CENPP: variants seen among roughly 807,000 people sequenced by gnomAD.
CENPP encodes the protein centromere protein P.
In CENPP, 24 loss-of-function variants were observed where a neutral mutation model predicts 35.6. The ratio of observed to expected loss-of-function variants is 0.67; its 90% CI spans 0.49 to 0.95. CENPP has a LOEUF of 0.95. Among genes scored for constraint, CENPP ranks in the 40% least tolerant of loss-of-function variants. The pLI, the probability that CENPP is intolerant of heterozygous loss-of-function variation, is 0.00. For missense variants in CENPP, 332 were observed against 345.3 expected, an observed-to-expected ratio of 0.96 and a Z score of 0.31; for synonymous variants, 120 against 125.5, an observed-to-expected ratio of 0.96 and a Z score of 0.29.
chr9:92,605,277 C>T (rs1178870454), intron 5 of CENPP, among the ~76,000 whole-genome samples: 1 of 152,214 alleles, frequency 6.6e-6, no homozygotes, highest in East Asian at 1.9e-4. Context: ...GTGTGAACCA[C>T]TGCGCCCAGC....
At chr9:92,602,181 G>A (rs1387589079) in intron 5 of CENPP, among the ~76,000 whole-genome samples, 1 of 152,188 alleles carries the variant, frequency 6.6e-6, no homozygotes, top group Non-Finnish European at 1.5e-5. Context: ...ACGACCAATA[G>A]TGATCTTAAA....
intron 5 of CENPP, among the ~76,000 whole-genome samples, chr9:92,513,593 A>T (rs1020444131): frequency 1.3e-5 from 2 of 152,216 alleles, no homozygotes; most frequent in Non-Finnish European, 2.9e-5. Flanking sequence ...ACATGATGGA[A>T]CACTACTTGG....
rs76589431 is a variant in CENPP, at chr9:92,327,944, C to G, written c.107+1839C>G. 1.7e-4 allele frequency among the ~76,000 whole-genome samples: 26 copies of G among 152,252 alleles called. No individual in the cohort carries two copies. In the East Asian group the frequency reaches 4.1e-3, roughly 24 times the overall value. Reference sequence around the variant, plus strand: ...CACAGAGTCCGTTCTGCAACTCTTACGATCTCTATTTTAACATTAATGCTG... The same window carrying G: ...CACAGAGTCCGTTCTGCAACTCTTAGGATCTCTATTTTAACATTAATGCTG... On this transcript the variant is annotated intron_variant, in intron 1 of 7. Transcript: ENST00000375587.
chr9:92,482,107 CAT>C (rs1393550764), intron 5 of CENPP, among the ~76,000 whole-genome samples: 1 of 151,714 alleles, frequency 6.6e-6, no homozygotes, highest in African/African-American at 2.4e-5. Context: ...ATAGGTAAGA[CAT>C]AAAACTAGAA....
chr9:92,388,611 T>A (rs1842535722), intron 5 of CENPP, among the ~76,000 whole-genome samples: 1 of 150,186 alleles, frequency 6.7e-6, no homozygotes, highest in African/African-American at 2.4e-5. Flanking sequence ...GAGGCCAAAG[T>A]GGGCGGATCA....
chr9:92,366,738 A>G (rs1402038395), intron 4 of CENPP, among the ~76,000 whole-genome samples: 1 of 152,234 alleles, frequency 6.6e-6, no homozygotes, highest in South Asian at 2.1e-4. Flanking sequence ...AATGATTATT[A>G]CACACACATG....
chr9:92,522,493 C>T, intron 5 of CENPP: 1 of 1,266,660 alleles, frequency 7.9e-7, no homozygotes, highest in South Asian at 1.8e-5. Context: ...TGTTCTCCCT[C>T]TCTCCCTCTC....
intron 5 of CENPP, among the ~76,000 whole-genome samples, chr9:92,428,456 C>G (rs1169694687): frequency 6.6e-6 from 1 of 152,152 alleles, no homozygotes; most frequent in Non-Finnish European, 1.5e-5. Context: ...TCCCAGGTCC[C>G]ACCAAACCTT....
At chr9:92,522,545 TTCTG>T (rs761846875) in intron 5 of CENPP, 1 of 1,546,496 alleles carries the variant, frequency 6.5e-7, no homozygotes, top group Non-Finnish European at 8.7e-7. Flanking sequence ...TCCTCCCTCT[TTCTG>T]TCTCTCTCTC....
At position 92,392,814 on chromosome 9, in the gene CENPP, G is replaced by A. The variant is rs527967176; in HGVS notation, c.564+12955G>A. 1.1e-4 allele frequency among the ~76,000 whole-genome samples: 17 copies of A among 152,308 alleles called. No homozygotes were observed. In the South Asian group the frequency reaches 3.5e-3, roughly 32 times the overall value. ...AGTGTCTGAAGCAAGGGATCTTGAA[G>A]TATTGGAGTTGAGAAGATATAGTTG... On this transcript the variant is annotated intron_variant, in intron 5 of 7. Coordinates refer to ENST00000375587, the MANE Select transcript of CENPP (RefSeq NM_001012267.3).
At chr9:92,531,721 A>G (rs1471795389) in intron 5 of CENPP, among the ~76,000 whole-genome samples, 2 of 152,082 alleles carry the variant, frequency 1.3e-5, no homozygotes, top group Admixed American at 6.5e-5. Context: ...CTAAACATTT[A>G]TCATTTTCCT....
At chr9:92,455,525 A>C (rs1413405120) in intron 5 of CENPP, among the ~76,000 whole-genome samples, 2 of 152,102 alleles carry the variant, frequency 1.3e-5, no homozygotes, top group African/African-American at 4.8e-5. Context: ...ACCTGGCCCA[A>C]AATGTCAAGG....
intron 5 of CENPP, among the ~76,000 whole-genome samples, chr9:92,551,348 T>G (rs190408943): frequency 6.6e-6 from 1 of 152,088 alleles, no homozygotes. Context: ...TGATGCTTTT[T>G]GTTTTTTGAG....
At chr9:92,460,427 A>C (rs755797037) in intron 5 of CENPP, 6 of 1,179,878 alleles carry the variant, frequency 5.1e-6, no homozygotes, top group Admixed American at 3.6e-5. Flanking sequence ...CCCTGTGCAC[A>C]TTCTCCAGGA....
intron 4 of CENPP, among the ~76,000 whole-genome samples, chr9:92,353,197 CAT>C (rs1160890658): frequency 2.0e-5 from 3 of 152,122 alleles, no homozygotes; most frequent in Non-Finnish European, 1.5e-5. Context: ...CATGCACAAA[CAT>C]ATTTTTAACG....
At chr9:92,380,769 A>G (rs1408134778) in intron 5 of CENPP, among the ~76,000 whole-genome samples, 2 of 152,204 alleles carry the variant, frequency 1.3e-5, no homozygotes, top group Admixed American at 6.6e-5. Context: ...TAATACAGTA[A>G]TGACCAGGGA....
chr9:92,375,826 C>T (rs1224406515), intron 4 of CENPP, among the ~76,000 whole-genome samples: 3 of 149,970 alleles, frequency 2.0e-5, no homozygotes, highest in African/African-American at 4.9e-5. Flanking sequence ...TTCCCCTAGT[C>T]ATTCAACAGG....
At chr9:92,352,899 TC>T (rs1330344550) in intron 4 of CENPP, among the ~76,000 whole-genome samples, 1 of 152,066 alleles carries the variant, frequency 6.6e-6, no homozygotes, top group Admixed American at 6.6e-5. Flanking sequence ...TTCAATCCAA[TC>T]TAGTTGACAC....
intron 5 of CENPP, among the ~76,000 whole-genome samples, chr9:92,551,925 G>GTGTATATATATATATA (rs1176239722): frequency 1.2e-5 from 1 of 84,568 alleles, no homozygotes; most frequent in African/African-American, 8.1e-5. Flanking sequence ...TGGTGTGTGT[G>GTGTATATATATATATA]TATATATATA....
Sources: allele counts gnomAD v4.1 joint callset (sites outside exome capture counted in the v4.1 genomes callset), GRCh38; gene constraint gnomAD v4.1.1; transcripts MANE v1.5; gene names NCBI Gene and HGNC (gene_info 2026-07-23, HGNC 2026-07-21).